PRDM5: variants seen among roughly 807,000 people sequenced by gnomAD.
PRDM5 encodes the protein PR domain zinc finger protein 5.
PRDM5 carries 56 observed loss-of-function variants against 81.2 expected under a neutral mutation model. The ratio of observed to expected loss-of-function variants is 0.69; its 90% CI spans 0.56 to 0.86. The LOEUF is 0.86. Among genes scored for constraint, PRDM5 ranks in the 40% least tolerant of loss-of-function variants. The pLI is 0.00. For synonymous variants in PRDM5, 267 were observed against 256.4 expected, an observed-to-expected ratio of 1.04 and a Z score of -0.39; for missense variants, 697 against 770.1, an observed-to-expected ratio of 0.91 and a Z score of 1.12.
At chr4:120,816,217 C>G in intron 7 of PRDM5, 1 of 609,214 alleles carries the variant, frequency 1.6e-6, no homozygotes, top group Middle Eastern at 2.6e-4. Context: ...TAGACTTTAA[C>G]TAAGGCTTAC....
At chr4:120,833,003 A>G (rs1756906353) in intron 3 of PRDM5, among the ~76,000 whole-genome samples, 1 of 152,160 alleles carries the variant, frequency 6.6e-6, no homozygotes, top group Non-Finnish European at 1.5e-5. Flanking sequence ...TAATGTGCAG[A>G]GTATTGAATA....
chr4:120,706,859 A>G (rs1736243506), intron 15 of PRDM5, among the ~76,000 whole-genome samples: 1 of 150,640 alleles, frequency 6.6e-6, no homozygotes, highest in South Asian at 2.1e-4. Context: ...ACACACAGCA[A>G]TTACCAAAAC....
intron 14 of PRDM5, among the ~76,000 whole-genome samples, chr4:120,734,776 C>A (rs1254805359): frequency 6.6e-6 from 1 of 152,188 alleles, no homozygotes; most frequent in East Asian, 1.9e-4. Flanking sequence ...CTTCTGCAGA[C>A]TAAACGCTCC....
intron 14 of PRDM5, among the ~76,000 whole-genome samples, chr4:120,737,457 G>T (rs980725570): frequency 6.6e-6 from 1 of 152,184 alleles, no homozygotes; most frequent in Non-Finnish European, 1.5e-5. Context: ...CTCGGAGTAG[G>T]CCTGGTACCA....
intron 2 of PRDM5, among the ~76,000 whole-genome samples, chr4:120,878,156 C>T (rs1213798508): frequency 2.0e-5 from 3 of 152,238 alleles, no homozygotes; most frequent in African/African-American, 7.2e-5. Flanking sequence ...TTTCTGTAGA[C>T]TTTCATTTCT....
At chr4:120,767,262 A>G in intron 13 of PRDM5, among the ~76,000 whole-genome samples, 1 of 152,204 alleles carries the variant, frequency 6.6e-6, no homozygotes, top group Non-Finnish European at 1.5e-5. Context: ...ATTAACAAAA[A>G]CACTTGTTTT....
intron 3 of PRDM5, 94 bp downstream of exon 3, chr4:120,853,324 C>A: frequency 1.3e-6 from 2 of 1,564,096 alleles, no homozygotes; most frequent in Non-Finnish European, 1.8e-6. Context: ...TGAAGGAGGT[C>A]ATTGGGAAAC....
chr4:120,726,076 C>T (rs547177984), intron 14 of PRDM5, among the ~76,000 whole-genome samples: 2 of 152,214 alleles, frequency 1.3e-5, no homozygotes, highest in Admixed American at 1.3e-4. Context: ...GCTACAGGGG[C>T]AGGGATGGAG....
chr4:120,896,416 C>A (rs552625801), intron 2 of PRDM5: 30 of 152,140 alleles, frequency 2.0e-4, no homozygotes, highest in African/African-American at 7.0e-4. Context: ...TCTTTAAATT[C>A]TGTCACTTTC....
chr4:120,786,688 C>T (rs1436524191), intron 10 of PRDM5, among the ~76,000 whole-genome samples: 3 of 152,114 alleles, frequency 2.0e-5, no homozygotes, highest in African/African-American at 7.2e-5. Flanking sequence ...TCTGGAAAGG[C>T]TTTCCAAGCA....
rs1734244464 is a variant in PRDM5 at position 120,693,755 on chromosome 4, C to T, written c.*1356G>A. On this transcript the variant is annotated 3_prime_UTR_variant, in exon 16 of 16. Coordinates refer to ENST00000264808, the MANE Select transcript of PRDM5 (RefSeq NM_018699.4). The stretch of plus-strand genomic sequence containing the variant: ...AATAACTTCCTTAAAACTATACTTC[C>T]TTTCTTTTGACTGGGCTTCAGTTAG... The T allele has an allele frequency of 6.6e-6, 1 of 152,052 alleles. No homozygotes were observed. Among genetic ancestry groups the T allele is most frequent in the Non-Finnish European group, 1.5e-5 (1 of 68,000 alleles). 9.4% of individuals were successfully genotyped at this position (152,052 alleles called of 1,614,324 possible). A position where few individuals can be genotyped will look rare whatever the true frequency, so the allele number is the denominator to read the frequency against.
chr4:120,763,080 C>T (rs1016616856), intron 13 of PRDM5, among the ~76,000 whole-genome samples: 12 of 152,118 alleles, frequency 7.9e-5, no homozygotes, highest in Non-Finnish European at 1.6e-4. Flanking sequence ...TTTCTTTAAA[C>T]GATGCTTTAT....
chr4:120,756,646 C>A (rs1744784164), intron 13 of PRDM5, among the ~76,000 whole-genome samples: 1 of 152,168 alleles, frequency 6.6e-6, no homozygotes, highest in Admixed American at 6.5e-5. Flanking sequence ...GAAAACATAG[C>A]AGAATGTGAC....
chr4:120,811,920 G>A (rs972833131), intron 7 of PRDM5, among the ~76,000 whole-genome samples: 1 of 151,910 alleles, frequency 6.6e-6, no homozygotes, highest in Non-Finnish European at 1.5e-5. Flanking sequence ...TATACAATAA[G>A]TTATGTTGAC....
intron 15 of PRDM5, among the ~76,000 whole-genome samples, chr4:120,708,002 A>C (rs180711493): frequency 1.1e-4 from 17 of 152,234 alleles, no homozygotes; most frequent in Admixed American, 2.6e-4. Context: ...AATAAAAAAA[A>C]AGTGTTGGCA....
intron 13 of PRDM5, among the ~76,000 whole-genome samples, chr4:120,756,290 G>T (rs949825374): frequency 1.3e-5 from 2 of 152,124 alleles, no homozygotes; most frequent in African/African-American, 2.4e-5. Flanking sequence ...AAATCAGTGT[G>T]CATTGTTTTG....
At chr4:120,756,669 G>A (rs1384614726) in intron 13 of PRDM5, among the ~76,000 whole-genome samples, 2 of 152,168 alleles carry the variant, frequency 1.3e-5, no homozygotes, top group African/African-American at 4.8e-5. Context: ...CTAAATGGTG[G>A]TAGCTCCTGC....
intron 8 of PRDM5, among the ~76,000 whole-genome samples, chr4:120,805,392 G>C (rs1752766806): frequency 6.6e-6 from 1 of 151,924 alleles, no homozygotes; most frequent in Non-Finnish European, 1.5e-5. Context: ...GGCAGAGACA[G>C]AATAAAAAAA....
At chr4:120,921,012 A>G (rs1322682312) in intron 1 of PRDM5, among the ~76,000 whole-genome samples, 3 of 152,208 alleles carry the variant, frequency 2.0e-5, no homozygotes, top group Admixed American at 6.5e-5. Context: ...CTAAAAATCT[A>G]TATGGTAATA....
Sources: gnomAD v4.1 joint callset for allele counts (sites outside exome capture counted in the v4.1 genomes callset) on GRCh38, gnomAD v4.1.1 for gene constraint, MANE v1.5 for transcripts, NCBI Gene and HGNC (gene_info 2026-07-23, HGNC 2026-07-21) for gene names.